POU6F2: variants seen among roughly 807,000 people sequenced by gnomAD.
POU6F2 encodes the protein POU domain, class 6, transcription factor 2.
In POU6F2, 31 loss-of-function variants were observed where a neutral mutation model predicts 71.3. The ratio of observed to expected loss-of-function variants is 0.43; its 90% CI spans 0.33 to 0.59. The LOEUF (loss-of-function observed/expected upper bound fraction) is 0.59, where lower values mean the gene tolerates loss of function less well. Among genes scored for constraint, POU6F2 ranks in the 20% least tolerant of loss-of-function variants. POU6F2 has a pLI of 0.04. For synonymous variants in POU6F2, 347 were observed against 355.7 expected (o/e 0.98, Z 0.27); for missense variants, 783 against 856.8 (o/e 0.91, Z 1.07).
intron 6 of POU6F2, among the ~76,000 whole-genome samples, chr7:39,416,093 T>TACACACACACAC (rs57579748): frequency 0.017 from 2,371 of 139,260 alleles, 41 homozygotes; most frequent in Non-Finnish European, 0.023. Flanking sequence ...CTCGAAGGCA[T>TACACACACACAC]ACACACACAC....
intron 2 of POU6F2, among the ~76,000 whole-genome samples, chr7:39,191,598 A>G (rs1198797394): frequency 6.6e-6 from 1 of 152,226 alleles, no homozygotes; most frequent in Non-Finnish European, 1.5e-5. Flanking sequence ...AATTGATACT[A>G]TCATGTAATG....
intron 4 of POU6F2, among the ~76,000 whole-genome samples, chr7:39,279,043 C>T (rs1784512841): frequency 6.6e-6 from 1 of 152,154 alleles, no homozygotes; most frequent in Non-Finnish European, 1.5e-5. Flanking sequence ...TGCCCAGTCT[C>T]CCAGGTGCAC....
intron 2 of POU6F2, among the ~76,000 whole-genome samples, chr7:39,180,220 C>T (rs1010123926): frequency 6.6e-6 from 1 of 152,060 alleles, no homozygotes; most frequent in Non-Finnish European, 1.5e-5. Flanking sequence ...ATTCAGAGAG[C>T]CAAAGCAAAC....
At chr7:39,143,551 GTC>G (rs1338871872) in intron 2 of POU6F2, among the ~76,000 whole-genome samples, 1 of 152,184 alleles carries the variant, frequency 6.6e-6, no homozygotes, top group African/African-American at 2.4e-5. Flanking sequence ...CCCAAACAGT[GTC>G]TGCTTTATAA....
chr7:39,114,104 A>G (rs1791879124), intron 2 of POU6F2, among the ~76,000 whole-genome samples: 1 of 152,222 alleles, frequency 6.6e-6, no homozygotes, highest in South Asian at 2.1e-4. Flanking sequence ...CCTATAGGTA[A>G]ACATCCTGAA....
At chr7:39,100,691 A>C (rs970562219) in intron 2 of POU6F2, among the ~76,000 whole-genome samples, 1 of 152,232 alleles carries the variant, frequency 6.6e-6, no homozygotes, top group Non-Finnish European at 1.5e-5. Context: ...GCCAGTGGCA[A>C]TGACCATCCC....
Position 39,405,564 on chromosome 7 carries a change from T to C in POU6F2, c.973-1036T>C, listed in dbSNP as rs193064754. ...AACAATTGTTGTACTTGAGAGAAAC[T>C]ATATGGGGAAAAAAATAACACCCTA... On this transcript the variant is annotated intron_variant, in intron 5 of 9. Coordinates refer to ENST00000518318, the MANE Select transcript of POU6F2 (RefSeq NM_001370959.1). 2.3e-3 allele frequency among the ~76,000 whole-genome samples: 343 copies of C among 152,284 alleles called. 2 individuals are homozygous for C. Among genetic ancestry groups the C allele is most frequent in the African/African-American group, 7.8e-3 (324 of 41,576 alleles).
At chr7:39,286,232 A>G (rs1049185699) in intron 4 of POU6F2, among the ~76,000 whole-genome samples, 8 of 152,212 alleles carry the variant, frequency 5.3e-5, no homozygotes, top group African/African-American at 1.9e-4. Context: ...TACATTACAT[A>G]GATTCAAAGA....
chr7:39,321,106 T>C (rs913689722), intron 4 of POU6F2, among the ~76,000 whole-genome samples: 1 of 117,614 alleles, frequency 8.5e-6, no homozygotes, highest in Non-Finnish European at 1.9e-5. Flanking sequence ...ATTATAACAA[T>C]ATATTGTAAT....
In POU6F2 at chr7:39,241,965, G is replaced by A. The variant is rs572527867; in HGVS notation, c.598+34345G>A. On this transcript the variant is annotated intron_variant, in intron 4 of 9. Transcript: ENST00000518318. ...TCTATAGTTTTGCCTTTTTCTGAACGTCATGTGTAGCCTTTTGAGTCTAGC... is the reference window on the plus strand; with the variant it reads ...TCTATAGTTTTGCCTTTTTCTGAACATCATGTGTAGCCTTTTGAGTCTAGC... Among the ~76,000 whole-genome samples the A allele has an allele frequency of 1.2e-4, 18 of 152,148 alleles. No homozygotes were observed. The South Asian group carries it at 1.9e-3, about 16-fold the overall frequency.
chr7:39,457,922 T>A (rs1318239993), intron 8 of POU6F2, among the ~76,000 whole-genome samples: 2 of 152,100 alleles, frequency 1.3e-5, no homozygotes, highest in East Asian at 3.9e-4. Flanking sequence ...AACCAGAGTT[T>A]CTCAGCTATT....
intron 6 of POU6F2, among the ~76,000 whole-genome samples, chr7:39,412,742 TAAC>T (rs1433403585): frequency 6.9e-6 from 1 of 145,516 alleles, no homozygotes; most frequent in Non-Finnish European, 1.5e-5. Flanking sequence ...ACCTAGATAT[TAAC>T]AATTTTTTCC....
intron 5 of POU6F2, among the ~76,000 whole-genome samples, chr7:39,361,371 A>AT (rs1390247029): frequency 6.6e-6 from 1 of 152,212 alleles, no homozygotes; most frequent in Non-Finnish European, 1.5e-5. Flanking sequence ...CAAGGCTGTC[A>AT]TTTTTTTAAC....
intron 4 of POU6F2, among the ~76,000 whole-genome samples, chr7:39,287,193 T>C (rs940905242): frequency 3.9e-5 from 6 of 152,100 alleles, no homozygotes; most frequent in African/African-American, 1.4e-4. Flanking sequence ...GTTACCTAAA[T>C]AAACATAAAA....
chr7:39,457,147 G>A (rs1366483241), intron 8 of POU6F2, among the ~76,000 whole-genome samples: 1 of 152,206 alleles, frequency 6.6e-6, no homozygotes, highest in Non-Finnish European at 1.5e-5. Context: ...ATAAACAATA[G>A]AGACGGCAGA....
intron 2 of POU6F2, among the ~76,000 whole-genome samples, chr7:39,111,964 G>T (rs1002206140): frequency 6.6e-5 from 10 of 152,128 alleles, no homozygotes; most frequent in Admixed American, 3.3e-4. Flanking sequence ...GATGCAAGAA[G>T]AATTATAAAA....
intron 4 of POU6F2, among the ~76,000 whole-genome samples, chr7:39,264,815 T>G (rs768640723): frequency 6.6e-6 from 1 of 152,156 alleles, no homozygotes; most frequent in Non-Finnish European, 1.5e-5. Context: ...TATACACATA[T>G]GTATGTGTGT....
At chr7:39,166,720 A>G (rs1793123359) in intron 2 of POU6F2, among the ~76,000 whole-genome samples, 1 of 152,140 alleles carries the variant, frequency 6.6e-6, no homozygotes, top group African/African-American at 2.4e-5. Context: ...TGTTTACCTT[A>G]ATGGATCCTG....
chr7:39,298,914 C>T (rs930004753), intron 4 of POU6F2, among the ~76,000 whole-genome samples: 1 of 152,106 alleles, frequency 6.6e-6, no homozygotes, highest in Non-Finnish European at 1.5e-5. Context: ...GAGCAGAAAA[C>T]CAAACACCAC....
Sources: allele counts gnomAD v4.1 joint callset (sites outside exome capture counted in the v4.1 genomes callset), GRCh38; gene constraint gnomAD v4.1.1; transcripts MANE v1.5; gene names NCBI Gene and HGNC (gene_info 2026-07-23, HGNC 2026-07-21).